The following SIDT2 variants were observed in gnomAD, a reference collection of about 807,000 sequenced individuals.
SIDT2 encodes SID1 transmembrane family, member 2.
Under a neutral mutation model 114.4 loss-of-function variants are expected in SIDT2, and 68 were observed. The ratio of observed to expected loss-of-function variants is 0.59; its 90% confidence interval spans 0.49 to 0.73. The LOEUF is 0.73. Ranked by LOEUF, SIDT2 falls within the 30% of genes least tolerant of loss-of-function variation. The probability of loss-of-function intolerance (pLI) is 0.00; values close to 1 mark genes in which losing one functional copy is unlikely to be tolerated. For missense variants in SIDT2, 918 were observed against 1,097.1 expected, an observed-to-expected ratio of 0.84 and a Z score of 2.31; for synonymous variants, 470 against 438.4, an observed-to-expected ratio of 1.07 and a Z score of -0.90.
intron 9 of SIDT2, 22 bp from the exon 10 acceptor site, chr11:117,186,562 C>T (rs1022680216): frequency 1.3e-6 from 2 of 1,542,616 alleles, no homozygotes; most frequent in African/African-American, 1.4e-5. Flanking sequence ...ATCTGGGTGG[C>T]CTGTGGGTTC....
In SIDT2 at chr11:117,187,615, T is replaced by A. The variant is rs750907347; in HGVS notation, c.1088-13T>A. The stretch of plus-strand genomic sequence containing the variant: ...CCTCTCCTTCCTGCCTCACCACTGA[T>A]CGTTCCCCACAGAGAATGTTTCTGG... On this transcript the variant is annotated splice_polypyrimidine_tract_variant and intron_variant, in intron 11 of 25. Coordinates refer to ENST00000324225, the MANE Select transcript of SIDT2 (RefSeq NM_001040455.2). 3 of 1,614,062 alleles carry A rather than the reference T, an allele frequency of 1.9e-6. No homozygotes were observed. Among genetic ancestry groups the A allele is most frequent in the East Asian group, 2.2e-5 (1 of 44,878 alleles).
At chr11:117,191,625 G>A in intron 18 of SIDT2, 5 of 530,750 alleles carry the variant, frequency 9.4e-6, no homozygotes, top group Non-Finnish European at 1.3e-5. Flanking sequence ...GGTGCTCACA[G>A]ACTAAGACAC....
chr11:117,183,340 T>G (rs1283029072), intron 6 of SIDT2, among the ~76,000 whole-genome samples: 1 of 138,096 alleles, frequency 7.2e-6, no homozygotes, highest in African/African-American at 2.8e-5. Context: ...AGTGAAACTC[T>G]GTCTCAAGAA....
intron 10 of SIDT2, 38 bp from the exon 11 acceptor site, chr11:117,187,340 T>C (rs1264220627): frequency 1.3e-6 from 2 of 1,597,408 alleles, no homozygotes; most frequent in African/African-American, 1.3e-5. Flanking sequence ...GGCCTCTCTC[T>C]TCGTCCAGTG....
chr11:117,195,474 G>C (rs974735428), intron 24 of SIDT2, among the ~76,000 whole-genome samples: 1 of 152,216 alleles, frequency 6.6e-6, no homozygotes, highest in Non-Finnish European at 1.5e-5. Flanking sequence ...AAGTGGGTGA[G>C]AAGGCCTTCT....
intron 24 of SIDT2, among the ~76,000 whole-genome samples, chr11:117,194,749 G>A (rs539774803): frequency 6.6e-6 from 1 of 152,290 alleles, no homozygotes; most frequent in South Asian, 2.1e-4. Flanking sequence ...AGGAGTCCAG[G>A]AAAGCTTCCT....
chr11:117,190,374 C>G lies in SIDT2; in HGVS notation c.1617+85C>G. 2.7e-6 allele frequency: 4 copies of G among 1,505,766 alleles called. No homozygotes were observed. The highest frequency in any genetic ancestry group is 3.5e-6 in the Non-Finnish European group (4 of 1,128,128). The allele number at this position is 1,505,766 out of a possible 1,614,324, so 93.3% of individuals were successfully genotyped here. On this transcript the variant is annotated intron_variant, in intron 17 of 25. Coordinates refer to ENST00000324225, the MANE Select transcript of SIDT2 (RefSeq NM_001040455.2). The surrounding 1 kb of genome is among the most constrained non-coding windows in gnomAD (Gnocchi z 4.1). ...GCTCCAGGACACCCTTTTGGGCAGG[C>G]CTGGCCCTGCCTTCCCCAGCTCTCC...
At position 117,187,697 on chromosome 11, in the gene SIDT2, A is replaced by G; in HGVS notation, c.1157A>G (p.Gln386Arg). ...ACTGGGGACCTCTCTTACGGTTACC[A>G]GGGTGAGTGGGCCAGGCTGGGAGGG... Reference protein sequence around the residue: ...AGTGDLSYGYQGRSFEPVGTR... With the variant: ...AGTGDLSYGYRGRSFEPVGTR... Residue 386 changes from glutamine to arginine, a missense_variant and splice_region_variant, in exon 12 of 26, where the codon CAG becomes CGG. Physicochemically the swap from Gln to Arg is conservative, Grantham distance 43. Around this residue, in one of 4 missense-constraint regions of SIDT2, gnomAD observed 553 missense variants for 600.1 expected, o/e 0.92. Coordinates refer to ENST00000324225, the MANE Select transcript of SIDT2 (RefSeq NM_001040455.2). 1 of 1,613,534 alleles carries G rather than the reference A, an allele frequency of 6.2e-7. No homozygotes were observed.
At position 117,193,154 on chromosome 11, in the gene SIDT2, G is replaced by A; in HGVS notation, c.2107G>A (p.Ala703Thr). ...VMGNVINWSL[A>T]AYGLIMRPND... ...ACCACCCTTCATCCCTCTTGCCAGG[G>A]CTGCCTATGGGCTTATCATGCGCCC... The change falls in exon 23 of 26, where the codon GCT becomes ACT. Residue 703 changes from alanine to threonine, a missense_variant and splice_region_variant. This residue lies in a region of SIDT2 where 275 missense variants were observed against 397.6 expected (regional missense o/e 0.69). Transcript: ENST00000324225. 6.2e-7 allele frequency: 1 copy of A among 1,614,034 alleles called. No individual in the cohort carries two copies. Among genetic ancestry groups the A allele is most frequent in the East Asian group, 2.2e-5 (1 of 44,896 alleles).
rs1407796579 is a variant in SIDT2, at chr11:117,192,238, G to A, written c.1873-16G>A. Reference sequence around the variant, plus strand: ...CCTCTCCACCCTCACCGCTGCCCTTGGTGGCCTCCCGACAGGTCTTTGGCA... The same window carrying A: ...CCTCTCCACCCTCACCGCTGCCCTTAGTGGCCTCCCGACAGGTCTTTGGCA... On this transcript the variant is annotated splice_polypyrimidine_tract_variant and intron_variant, in intron 19 of 25. Coordinates refer to ENST00000324225, the MANE Select transcript of SIDT2 (RefSeq NM_001040455.2). This position sits in a 1 kb window ranked among gnomAD's most constrained non-coding sequence, Gnocchi z 5.9. The A allele has an allele frequency of 5.1e-6, 8 of 1,556,784 alleles. No individual in the cohort carries two copies. The highest frequency in any genetic ancestry group is 7.1e-6 in the Non-Finnish European group (8 of 1,128,014).
intron 18 of SIDT2, chr11:117,191,673 C>A: frequency 1.5e-6 from 1 of 655,330 alleles, no homozygotes; most frequent in East Asian, 2.7e-5. Context: ...ATGTCAGACT[C>A]TGGGTGACAG....
chr11:117,194,035 C>T, intron 24 of SIDT2, 72 bp downstream of exon 24: 5 of 1,191,314 alleles, frequency 4.2e-6, no homozygotes, highest in Non-Finnish European at 4.9e-6. Context: ...TGGGGCTGAG[C>T]CTGGGATTAC....
chr11:117,188,714 C>T lies in SIDT2; in HGVS notation c.1166C>T (p.Ser389Phe). ...CCCTCCCTGCCCTTTCCAGGCCGCT[C>T]CTTTGAACCTGTAGGTACTCGGCCC... ...GDLSYGYQGR[S>F]FEPVGTRPRV... is the part of the protein sequence containing the mutation. Residue 389 changes from serine (S) to phenylalanine (F), a missense_variant, in exon 13 of 26, where the codon TCC (serine) becomes TTC (phenylalanine). By Grantham distance (155) the Ser-to-Phe change is radical. Transcript: ENST00000324225. This position sits in a 1 kb window ranked among gnomAD's most constrained non-coding sequence, Gnocchi z 4.0. The T allele has an allele frequency of 1.2e-6, 2 of 1,614,054 alleles. No individual in the cohort carries two copies. Among genetic ancestry groups the T allele is most frequent in the Admixed American group, 1.7e-5 (1 of 60,028 alleles).
At position 117,192,638 on chromosome 11, in the gene SIDT2, G is replaced by A; in HGVS notation, c.2046G>A (p.Gly682=). ...CAGACTGCATCCGGCAGTGCAGCGG[G>A]CCGCTCTACGTGGTACCTGCCTGGT... ...LYTDCIRQCS[G]PLYVDRMVLL... is the part of the protein sequence containing the mutation. The change falls in exon 21 of 26, where the codon GGG becomes GGA. Residue 682 remains glycine, a synonymous_variant. Coordinates refer to ENST00000324225, the MANE Select transcript of SIDT2 (RefSeq NM_001040455.2). The surrounding 1 kb of genome is among the most constrained non-coding windows in gnomAD (Gnocchi z 5.9). 1 of 1,612,402 alleles carries A rather than the reference G, an allele frequency of 6.2e-7. No individual in the cohort carries two copies. Among genetic ancestry groups the A allele is most frequent in the South Asian group, 1.1e-5 (1 of 91,086 alleles).
Position 117,195,775 on chromosome 11 carries a change from C to T in SIDT2, c.2323-27C>T, listed in dbSNP as rs370786194. 6.4e-5 allele frequency: 103 copies of T among 1,612,882 alleles called. 2 individuals carry two copies. Among genetic ancestry groups the T allele is most frequent in the African/African-American group, 4.3e-4 (32 of 75,034 alleles). ...CTTGCCCTGCCAGAGCAGGGTCATT[C>T]GGCAGTTTTTCTTGTTGCTCCCCAA... On this transcript the variant is annotated intron_variant, in intron 24 of 25. Coordinates refer to ENST00000324225, the MANE Select transcript of SIDT2 (RefSeq NM_001040455.2).
At chr11:117,179,528 T>C (rs2030179422) in intron 1 of SIDT2, 82 bp downstream of exon 1, 1 of 1,465,592 alleles carries the variant, frequency 6.8e-7, no homozygotes, top group East Asian at 2.3e-5. Flanking sequence ...GCTACCCTTT[T>C]GGGAGGCCCC....
chr11:117,195,647 G>T (rs551231017), intron 24 of SIDT2, among the ~76,000 whole-genome samples, 155 bp from the exon 25 acceptor site: 16 of 152,330 alleles, frequency 1.1e-4, no homozygotes, highest in Admixed American at 9.1e-4. Flanking sequence ...GTTAGATCGG[G>T]AAGGGGTAGG....
intron 2 of SIDT2, 123 bp from the exon 3 acceptor site, chr11:117,181,684 G>C (rs1016006016): frequency 6.4e-7 from 1 of 1,570,462 alleles, no homozygotes; most frequent in Non-Finnish European, 8.7e-7. Flanking sequence ...CACCAGCCGG[G>C]AGCTTGTGCA....
At chr11:117,189,641 G>T in intron 15 of SIDT2, 1 of 605,032 alleles carries the variant, frequency 1.7e-6, no homozygotes, top group Non-Finnish European at 2.9e-6. Flanking sequence ...GGTTTCTTGT[G>T]CGGATTATGA....
Sources: gnomAD v4.1 joint callset for allele counts (sites outside exome capture counted in the v4.1 genomes callset) on GRCh38, gnomAD v4.1.1 for gene constraint, gnomAD v4.1.1 regional missense constraint, Gnocchi (gnomAD v3.1) non-coding constraint, MANE v1.5 for transcripts, NCBI Gene and HGNC (gene_info 2026-07-23, HGNC 2026-07-21) for gene names.